The following SGO2 variants were observed in gnomAD, a reference collection of about 807,000 sequenced individuals.
SGO2 encodes shugoshin-like 2.
SGO2 carries 68 observed loss-of-function variants against 99.5 expected under a neutral mutation model. The ratio of observed to expected loss-of-function variants is 0.68; its 90% CI spans 0.56 to 0.84. The LOEUF is 0.84. Ranked by LOEUF, SGO2 falls within the 40% of genes least tolerant of loss-of-function variation. SGO2 has a pLI of 0.00. For synonymous variants in SGO2, 457 were observed against 487.1 expected, an observed-to-expected ratio of 0.94 and a Z score of 0.81; for missense variants, 1,350 against 1,436.7, an observed-to-expected ratio of 0.94 and a Z score of 0.97.
At chr2:200,542,010 A>G (rs1312175893) in intron 4 of SGO2, among the ~76,000 whole-genome samples, 1 of 152,006 alleles carries the variant, frequency 6.6e-6, no homozygotes, top group Non-Finnish European at 1.5e-5. Flanking sequence ...GCATTTTCAT[A>G]TGAATTTTAA....
chr2:200,569,840 T>C lies in SGO2; in HGVS notation c.651T>C (p.Tyr217=), dbSNP rs2033331249. ...LFLKENNQNV[Y]GLDDSEHISS... Reference sequence around the variant, plus strand: ...TTAAAGAAAATAATCAAAATGTATATGGTTTAGATGATTCAGAACATATTT... The same window carrying C: ...TTAAAGAAAATAATCAAAATGTATACGGTTTAGATGATTCAGAACATATTT... Residue 217 remains tyrosine (Y), a synonymous_variant, in exon 6 of 9, where the codon TAT becomes TAC. Transcript: ENST00000357799. 8.1e-6 allele frequency: 13 copies of C among 1,603,772 alleles called. No homozygotes were observed. Among genetic ancestry groups the C allele is most frequent in the Non-Finnish European group, 1.1e-5 (13 of 1,170,932 alleles).
chr2:200,538,684 A>G lies in SGO2; in HGVS notation c.387+2542A>G, dbSNP rs373806003. Among the ~76,000 whole-genome samples, 232 of 152,346 alleles carry G rather than the reference A, an allele frequency of 1.5e-3. 1 individual carries two copies. The highest frequency in any genetic ancestry group is 5.2e-3 in the African/African-American group (218 of 41,588). The stretch of plus-strand genomic sequence containing the variant: ...TTTTATATGTAAATAAGTAAGGTAC[A>G]TATATTTCCTGCAGTCCCTCTTTGA... On this transcript the variant is annotated intron_variant, in intron 4 of 8. Coordinates refer to ENST00000357799, the MANE Select transcript of SGO2 (RefSeq NM_152524.6).
chr2:200,540,702 T>A (rs939118889), intron 4 of SGO2, among the ~76,000 whole-genome samples: 10 of 152,238 alleles, frequency 6.6e-5, no homozygotes, highest in Non-Finnish European at 1.3e-4. Flanking sequence ...ATAGACATTT[T>A]ATTTTCTGTG....
chr2:200,550,048 A>G (rs186322290), intron 5 of SGO2, among the ~76,000 whole-genome samples: 14 of 152,364 alleles, frequency 9.2e-5, no homozygotes, highest in Non-Finnish European at 1.5e-4. Flanking sequence ...TAGCATTTAT[A>G]TACACCAACA....
At chr2:200,533,339 T>G in intron 2 of SGO2, 1 of 341,894 alleles carries the variant, frequency 2.9e-6, no homozygotes, top group Non-Finnish European at 5.3e-6. Flanking sequence ...GAGGCTGCAG[T>G]GACCCAAGAC....
At chr2:200,571,010 C>A (rs1409345809) in intron 6 of SGO2, 40 bp from the exon 7 acceptor site, 1 of 1,508,406 alleles carries the variant, frequency 6.6e-7, no homozygotes, top group Non-Finnish European at 8.9e-7. Flanking sequence ...TTATTTATTT[C>A]ATTACTTGTT....
chr2:200,569,408 CA>C, intron 5 of SGO2, among the ~76,000 whole-genome samples: 1 of 152,122 alleles, frequency 6.6e-6, no homozygotes, highest in South Asian at 2.1e-4. Flanking sequence ...TCTAATAGCA[CA>C]AGAAGTAAAT....
chr2:200,571,438 C>T lies in SGO2; in HGVS notation c.1092C>T (p.Asp364=), dbSNP rs779413325. 28 of 1,610,564 alleles carry T rather than the reference C, an allele frequency of 1.7e-5. No homozygotes were observed. Among genetic ancestry groups the T allele is most frequent in the Non-Finnish European group, 2.1e-5 (25 of 1,178,350 alleles). Residue 364 remains aspartate (D), a synonymous_variant, in exon 7 of 9, where the codon GAC becomes GAT. Transcript: ENST00000357799. ...FQLQKTVYDA[D]MDLTASEVSK... is the part of the protein sequence containing the mutation. ...TGCAGAAAACTGTGTATGATGCTGA[C>T]ATGGATTTAACTGCTAGTGAAGTCA...
chr2:200,545,509 A>G (rs1247638717), intron 5 of SGO2, among the ~76,000 whole-genome samples: 5 of 152,036 alleles, frequency 3.3e-5, no homozygotes. Flanking sequence ...ACGGCAGTGT[A>G]AGATAAGCTG....
At chr2:200,541,895 T>C (rs1212840857) in intron 4 of SGO2, among the ~76,000 whole-genome samples, 1 of 152,258 alleles carries the variant, frequency 6.6e-6, no homozygotes, top group Non-Finnish European at 1.5e-5. Flanking sequence ...TTGATCTATT[T>C]GTCTTATCAT....
At chr2:200,527,083 A>G (rs905536732) in intron 1 of SGO2, among the ~76,000 whole-genome samples, 2 of 152,194 alleles carry the variant, frequency 1.3e-5, no homozygotes, top group Non-Finnish European at 2.9e-5. Context: ...CTCAGTGTCT[A>G]TATGGTAAAT....
chr2:200,569,646 T>C lies in SGO2; in HGVS notation c.474-17T>C. On this transcript the variant is annotated splice_polypyrimidine_tract_variant and intron_variant, in intron 5 of 8. Coordinates refer to ENST00000357799, the MANE Select transcript of SGO2 (RefSeq NM_152524.6). ...ATAAAACACATAATTTCTCATTTCC[T>C]TCCCACTTGCCTTTAGGGTTCCATT... 1 of 1,560,336 alleles carries C rather than the reference T, an allele frequency of 6.4e-7. No individual in the cohort carries two copies. Among genetic ancestry groups the C allele is most frequent in the Non-Finnish European group, 8.7e-7 (1 of 1,151,328 alleles).
chr2:200,534,939 TA>T, intron 2 of SGO2, 56 bp from the exon 3 acceptor site: 1 of 1,220,174 alleles, frequency 8.2e-7, no homozygotes, highest in South Asian at 1.7e-5. Context: ...CTAAGGAATA[TA>T]AAAATTTCTT....
chr2:200,543,297 C>CT (rs951807895), intron 5 of SGO2: 4 of 152,282 alleles, frequency 2.6e-5, no homozygotes, highest in African/African-American at 7.2e-5. Flanking sequence ...GAGCAAGACT[C>CT]TGTCTCAAAA....
At chr2:200,533,703 TCA>T (rs1476157986) in intron 2 of SGO2, among the ~76,000 whole-genome samples, 1 of 152,004 alleles carries the variant, frequency 6.6e-6, no homozygotes, top group African/African-American at 2.4e-5. Flanking sequence ...GAAAATTATC[TCA>T]GTGTTCATAC....
At chr2:200,565,927 G>T (rs186584209) in intron 5 of SGO2, among the ~76,000 whole-genome samples, 91 of 152,192 alleles carry the variant, frequency 6.0e-4, no homozygotes, top group Non-Finnish European at 1.0e-3. Flanking sequence ...GTCATTTAAG[G>T]TCTTCTCTAT....
intron 1 of SGO2, among the ~76,000 whole-genome samples, chr2:200,532,543 A>G (rs1402441058): frequency 6.6e-6 from 1 of 152,006 alleles, no homozygotes; most frequent in Non-Finnish European, 1.5e-5. Context: ...AATCTAATAG[A>G]CAAATTTAAG....
intron 1 of SGO2, among the ~76,000 whole-genome samples, chr2:200,530,308 A>G (rs2031311566): frequency 6.6e-6 from 1 of 152,206 alleles, no homozygotes; most frequent in Non-Finnish European, 1.5e-5. Flanking sequence ...TTGTGAAGGT[A>G]AGTTGAGATA....
intron 1 of SGO2, among the ~76,000 whole-genome samples, chr2:200,527,178 A>C (rs1247702960): frequency 1.3e-5 from 2 of 152,332 alleles, no homozygotes; most frequent in East Asian, 3.9e-4. Context: ...GTTGCAGGGC[A>C]GTGTCAAGGA....
Sources: gnomAD v4.1 joint callset for allele counts (sites outside exome capture counted in the v4.1 genomes callset) on GRCh38, gnomAD v4.1.1 for gene constraint, MANE v1.5 for transcripts, NCBI Gene and HGNC (gene_info 2026-07-23, HGNC 2026-07-21) for gene names.